OBI1: variants seen among roughly 807,000 people sequenced by gnomAD.
The protein encoded by OBI1 is ring finger protein 219.
OBI1 carries 59 observed loss-of-function variants against 62.4 expected under a neutral mutation model. That is an observed-to-expected ratio of 0.95 (90% CI 0.77 to 1.17). The LOEUF is 1.17. Among genes scored for constraint, OBI1 ranks in the 50% most tolerant of loss-of-function variants. The pLI is 0.00. For missense variants in OBI1, 875 were observed against 830.9 expected (o/e 1.05, Z -0.65); for synonymous variants, 302 against 292.8 (o/e 1.03, Z -0.32).
chr13:78,642,595 G>A (rs528833226), intron 2 of OBI1, among the ~76,000 whole-genome samples: 13 of 152,254 alleles, frequency 8.5e-5, no homozygotes, highest in African/African-American at 3.1e-4. Flanking sequence ...ATATAAAAAT[G>A]TATTACTGGC....
Position 78,616,287 on chromosome 13 carries a change from C to A in OBI1, c.1474G>T (p.Val492Phe). 25 of 1,613,954 alleles carry A rather than the reference C, an allele frequency of 1.5e-5. No individual in the cohort carries two copies. Among genetic ancestry groups the A allele is most frequent in the Non-Finnish European group, 2.1e-5 (25 of 1,179,834 alleles). Residue 492 changes from valine (V) to phenylalanine (F), a missense_variant, in exon 6 of 6, where the codon GTT (valine) becomes TTT (phenylalanine). Val to Phe is a conservative substitution (Grantham distance 50). Coordinates refer to ENST00000282003, the MANE Select transcript of OBI1 (RefSeq NM_024546.4). ...CTCAATTTTGAAGATATTTCTCCAACAGAATTTGCTATCGTGTTCCCCTCT... is the reference window on the plus strand; with the variant it reads ...CTCAATTTTGAAGATATTTCTCCAAAAGAATTTGCTATCGTGTTCCCCTCT... ...SSEGNTIANS[V>F]GEISSKLSEK...
intron 5 of OBI1, chr13:78,620,690 A>T (rs1308439962): frequency 2.2e-6 from 1 of 455,806 alleles, no homozygotes; most frequent in Non-Finnish European, 4.4e-6. Flanking sequence ...TCCCTAGTAA[A>T]AGAGAAATGG....
chr13:78,649,702 C>T (rs1219986032), intron 1 of OBI1, among the ~76,000 whole-genome samples: 2 of 152,110 alleles, frequency 1.3e-5, no homozygotes, highest in East Asian at 3.9e-4. Flanking sequence ...CGATAGGCAA[C>T]AAAGTCCCTA....
At position 78,634,478 on chromosome 13, in the gene OBI1, G is replaced by A. The variant is rs1384616359; in HGVS notation, c.638+632C>T. Among the ~76,000 whole-genome samples the A allele has an allele frequency of 4.6e-5, 7 of 152,034 alleles. 1 individual carries two copies. ...CACAGCTAACTTTTTTGTATTTTTA[G>A]TAGAGACGGGGTTCTGCCATGTTGC... On this transcript the variant is annotated intron_variant, in intron 5 of 5. Transcript: ENST00000282003.
chr13:78,632,872 G>T (rs1170626715), intron 5 of OBI1, among the ~76,000 whole-genome samples: 1 of 152,172 alleles, frequency 6.6e-6, no homozygotes, highest in Non-Finnish European at 1.5e-5. Context: ...CCCCTGAAGG[G>T]AACCAATGGA....
At chr13:78,655,061 T>C (rs1876660264) in intron 1 of OBI1, among the ~76,000 whole-genome samples, 1 of 152,244 alleles carries the variant, frequency 6.6e-6, no homozygotes, top group South Asian at 2.1e-4. Context: ...TTGCTTTGCA[T>C]TTCTCTTGAG....
intron 1 of OBI1, among the ~76,000 whole-genome samples, chr13:78,652,357 C>A (rs12428547): frequency 6.7e-6 from 1 of 150,156 alleles, no homozygotes; most frequent in Admixed American, 6.6e-5. Context: ...CTGGGTAGAA[C>A]AAAACACACA....
intron 1 of OBI1, 98 bp from the exon 2 acceptor site, chr13:78,645,095 G>A: frequency 8.3e-7 from 1 of 1,199,450 alleles, no homozygotes; most frequent in Non-Finnish European, 1.2e-6. Context: ...GATTATAGCA[G>A]AGTAGGAGTT....
chr13:78,616,113 T>C lies in OBI1; in HGVS notation c.1648A>G (p.Asn550Asp), dbSNP rs1248999031. ...ELDSMMSESD[N>D]SKSPCNNGFK... Reference sequence around the variant, plus strand: ...CCGTTATTACAAGGGCTCTTGCTGTTGTCTGACTCTGACATCATTGAATCC... The same window carrying C: ...CCGTTATTACAAGGGCTCTTGCTGTCGTCTGACTCTGACATCATTGAATCC... The change falls in exon 6 of 6, where the codon AAC (asparagine) becomes GAC (aspartate). Residue 550 changes from asparagine to aspartate, a missense_variant. Coordinates refer to ENST00000282003, the MANE Select transcript of OBI1 (RefSeq NM_024546.4). 2 of 1,614,066 alleles carry C rather than the reference T, an allele frequency of 1.2e-6. No individual in the cohort carries two copies. Among genetic ancestry groups the C allele is most frequent in the Admixed American group, 3.3e-5 (2 of 60,012 alleles).
Position 78,616,232 on chromosome 13 carries a change from CT to C in OBI1, c.1528del (p.Arg510GlyfsTer2). ...SEKSGLCLSK[R>X]LNSIRSFEMN... ...TTCAAAAGAGCGAATAGAATTCAAC[CT>C]TTTGGATAAACATAAGCCTGATTTC... On this transcript the variant is annotated frameshift_variant, in exon 6 of 6. Transcript: ENST00000282003. LOFTEE classifies it high-confidence loss of function. 1.2e-6 allele frequency: 2 copies of C among 1,613,922 alleles called. No individual in the cohort carries two copies. The highest frequency in any genetic ancestry group is 1.7e-6 in the Non-Finnish European group (2 of 1,179,898).
In OBI1 at chr13:78,656,661, A is replaced by G. The variant is rs1876710473; in HGVS notation, c.72+2388T>C. 2.3e-5 allele frequency among the ~76,000 whole-genome samples: 3 copies of G among 127,966 alleles called. No homozygotes were observed. The Admixed American group carries it at 2.7e-4, about 12-fold the overall frequency. 84.0% of individuals were successfully genotyped at this position (127,966 alleles called of 152,430 possible). A position where few individuals can be genotyped will look rare whatever the true frequency, so the allele number is the denominator to read the frequency against. The stretch of plus-strand genomic sequence containing the variant: ...TGAGTGGTAAGTGGTAGATTAGATT[A>G]GAACCCGGCTAGCCTGAATGTAGAA... On this transcript the variant is annotated intron_variant, in intron 1 of 5. Coordinates refer to ENST00000282003, the MANE Select transcript of OBI1 (RefSeq NM_024546.4).
rs1875167053 is a variant in OBI1, at chr13:78,614,324, A to G, written c.*1256T>C. ...ATGACATTCTTTATTCAATTCACAT[A>G]GAAAAGCATGCAGTATTAATGTAAA... On this transcript the variant is annotated 3_prime_UTR_variant, in exon 6 of 6. Transcript: ENST00000282003. 6.5e-6 allele frequency: 1 copy of G among 152,680 alleles called. No individual in the cohort carries two copies. Among genetic ancestry groups the G allele is most frequent in the African/African-American group, 2.4e-5 (1 of 41,474 alleles). 9.5% of individuals were successfully genotyped at this position (152,680 alleles called of 1,614,324 possible). A position where few individuals can be genotyped will look rare whatever the true frequency, so the allele number is the denominator to read the frequency against.
chr13:78,632,174 G>A (rs1208922464), intron 5 of OBI1, among the ~76,000 whole-genome samples: 1 of 151,998 alleles, frequency 6.6e-6, no homozygotes. Context: ...GAGGTCATTA[G>A]GTGTTCCTTT....
rs906797568 is a variant in OBI1, at chr13:78,616,004, T to C, written c.1757A>G (p.Lys586Arg). ...FLEEPDKLEE[K>R]TELNLSKGSL... ...ACCTTTGGAAAGGTTTAGCTCAGTTTTTTCTTCCAACTTATCAGGTTCCTC... is the reference window on the plus strand; with the variant it reads ...ACCTTTGGAAAGGTTTAGCTCAGTTCTTTCTTCCAACTTATCAGGTTCCTC... The change falls in exon 6 of 6, where the codon AAA becomes AGA. Residue 586 changes from lysine to arginine, a missense_variant. By Grantham distance (26) the Lys-to-Arg change is conservative. Transcript: ENST00000282003. 5.6e-6 allele frequency: 9 copies of C among 1,614,034 alleles called. No individual in the cohort carries two copies. Among genetic ancestry groups the C allele is most frequent in the Non-Finnish European group, 6.8e-6 (8 of 1,180,032 alleles).
intron 5 of OBI1, among the ~76,000 whole-genome samples, chr13:78,623,042 A>C (rs1029477783): frequency 6.6e-6 from 1 of 152,146 alleles, no homozygotes. Context: ...TCTTTAAACT[A>C]CTAGGGAAGT....
chr13:78,625,764 T>C (rs902907503), intron 5 of OBI1, among the ~76,000 whole-genome samples: 4 of 152,192 alleles, frequency 2.6e-5, no homozygotes, highest in African/African-American at 4.8e-5. Context: ...CAGGCTCCCC[T>C]GACAGTCTAC....
At chr13:78,636,485 AT>A (rs1262434739) in intron 4 of OBI1, among the ~76,000 whole-genome samples, 1 of 152,202 alleles carries the variant, frequency 6.6e-6, no homozygotes, top group Non-Finnish European at 1.5e-5. Flanking sequence ...ACTTAGATGA[AT>A]TTCAAGAACT....
At chr13:78,657,198 T>C (rs1876737988) in intron 1 of OBI1, among the ~76,000 whole-genome samples, 1 of 152,102 alleles carries the variant, frequency 6.6e-6, no homozygotes, top group Non-Finnish European at 1.5e-5. Flanking sequence ...AAGTTTAGCA[T>C]AAAGTCTGGC....
intron 5 of OBI1, chr13:78,620,749 A>G (rs1875483254): frequency 2.4e-6 from 1 of 418,678 alleles, no homozygotes; most frequent in African/African-American, 2.1e-5. Flanking sequence ...ACTAAAGAGC[A>G]TCTCTAACAA....
Sources: allele counts gnomAD v4.1 joint callset (sites outside exome capture counted in the v4.1 genomes callset), GRCh38; gene constraint gnomAD v4.1.1; transcripts MANE v1.5; gene names NCBI Gene and HGNC (gene_info 2026-07-23, HGNC 2026-07-21).